The following MASTL variants were observed in gnomAD, a reference collection of about 807,000 sequenced individuals.
MASTL encodes serine/threonine-protein kinase greatwall.
Under a neutral mutation model 82.5 loss-of-function variants are expected in MASTL, and 54 were observed. That is an observed-to-expected ratio of 0.65 (90% CI 0.53 to 0.82). The LOEUF is 0.82. Ranked by LOEUF, MASTL falls within the 40% of genes least tolerant of loss-of-function variation. The pLI is 0.00. For synonymous variants in MASTL, 323 were observed against 368.9 expected (o/e 0.88, Z 1.43); for missense variants, 950 against 1,047.8 (o/e 0.91, Z 1.29).
At position 27,170,378 on chromosome 10, in the gene MASTL, G is replaced by A. The variant is rs2057889679; in HGVS notation, c.1419G>A (p.Met473Ile). The A allele has an allele frequency of 1.2e-6, 2 of 1,613,750 alleles. No individual in the cohort carries two copies. The highest frequency in any genetic ancestry group is 2.7e-5 in the African/African-American group (2 of 74,910). The change falls in exon 8 of 12, where the codon ATG becomes ATA. Residue 473 changes from methionine (M) to isoleucine (I), a missense_variant. Transcript: ENST00000375940. ...GTGTAGAGTATAAGCATAACGAAATGACAAATTGTTATACAAATCAAAATA... is the reference window on the plus strand; with the variant it reads ...GTGTAGAGTATAAGCATAACGAAATAACAAATTGTTATACAAATCAAAATA... The part of the protein sequence containing the change: ...KTCVEYKHNE[M>I]TNCYTNQNTG...
intron 11 of MASTL, among the ~76,000 whole-genome samples, chr10:27,183,529 T>C (rs796698794): frequency 1.3e-5 from 2 of 152,186 alleles, no homozygotes; most frequent in African/African-American, 4.8e-5. Flanking sequence ...GTGATCCTCC[T>C]GCCTCGGCCT....
At chr10:27,174,886 T>C (rs574904976) in intron 9 of MASTL, among the ~76,000 whole-genome samples, 2 of 152,270 alleles carry the variant, frequency 1.3e-5, no homozygotes, top group South Asian at 4.1e-4. Context: ...ATAGCTTTTT[T>C]GGGAGGGACA....
chr10:27,158,882 G>A (rs758843101), intron 2 of MASTL, among the ~76,000 whole-genome samples, 196 bp downstream of exon 2: 4 of 152,178 alleles, frequency 2.6e-5, no homozygotes, highest in East Asian at 1.9e-4. Flanking sequence ...CATACGGTGC[G>A]TGTGTATGTG....
At position 27,173,102 on chromosome 10, in the gene MASTL, AC is replaced by A. The variant is rs2058001992; in HGVS notation, c.2125-13del. 6.2e-7 allele frequency: 1 copy of A among 1,613,828 alleles called. No individual in the cohort carries two copies. The highest frequency in any genetic ancestry group is 8.5e-7 in the Non-Finnish European group (1 of 1,179,880). ...AATTAAGATATTTGTTATCTCTTAAACCCTTTTTGAATTAGCAGACCCCAAA... is the reference window on the plus strand; with the variant it reads ...AATTAAGATATTTGTTATCTCTTAAACCTTTTTGAATTAGCAGACCCCAAA... On this transcript the variant is annotated splice_polypyrimidine_tract_variant and intron_variant, in intron 8 of 11. Transcript: ENST00000375940.
intron 11 of MASTL, among the ~76,000 whole-genome samples, chr10:27,183,618 A>G (rs1451017047): frequency 2.6e-5 from 4 of 152,154 alleles, no homozygotes; most frequent in Non-Finnish European, 5.9e-5. Context: ...CCCAAAATGC[A>G]TTTCTTTATC....
intron 9 of MASTL, among the ~76,000 whole-genome samples, chr10:27,175,568 T>A (rs1179615508): frequency 6.6e-6 from 1 of 152,184 alleles, no homozygotes; most frequent in Non-Finnish European, 1.5e-5. Flanking sequence ...CTGTTGCTGC[T>A]CTTCAGTTCC....
At chr10:27,165,611 G>A (rs2057716257) in intron 6 of MASTL, 72 bp downstream of exon 6, 3 of 1,520,352 alleles carry the variant, frequency 2.0e-6, no homozygotes, top group Non-Finnish European at 2.7e-6. Flanking sequence ...GGGAGGCTGA[G>A]GCAGGATTTC....
chr10:27,183,792 A>T (rs1434097082), intron 11 of MASTL, among the ~76,000 whole-genome samples: 3 of 151,950 alleles, frequency 2.0e-5, no homozygotes, highest in African/African-American at 7.3e-5. Flanking sequence ...ATCTCGGCTC[A>T]CTGCAACTTT....
At position 27,180,633 on chromosome 10, in the gene MASTL, C is replaced by A. The variant is rs979599199; in HGVS notation, c.2267-320C>A. 9.2e-5 allele frequency among the ~76,000 whole-genome samples: 14 copies of A among 152,278 alleles called. No homozygotes were observed. The East Asian group carries it at 2.1e-3, about 23-fold the overall frequency. ...TCTTGAACTCCTGACCTCAGGTAAT[C>A]CACCCTCCCCAGCCACCCAAAGTGC... On this transcript the variant is annotated intron_variant, in intron 9 of 11. Transcript: ENST00000375940.
At chr10:27,158,860 A>G (rs2135964370) in intron 2 of MASTL, among the ~76,000 whole-genome samples, 174 bp downstream of exon 2, 1 of 152,318 alleles carries the variant, frequency 6.6e-6, no homozygotes, top group Non-Finnish European at 1.5e-5. Context: ...AAAAGAACCA[A>G]TAAGATATAT....
At chr10:27,169,113 G>T (rs1236254256) in intron 7 of MASTL, among the ~76,000 whole-genome samples, 2 of 151,974 alleles carry the variant, frequency 1.3e-5, no homozygotes, top group Non-Finnish European at 2.9e-5. Context: ...GCTCTTTGGG[G>T]TTTGTAATTA....
rs147560931 is a variant in MASTL at position 27,170,343 on chromosome 10, A to G, written c.1384A>G (p.Lys462Glu). ...SSPCKKIIQN[K>E]KTCVEYKHNE... ...TCCTTGTAAAAAAATTATACAGAAT[A>G]AAAAAACTTGTGTAGAGTATAAGCA... Residue 462 changes from lysine to glutamate, a missense_variant, in exon 8 of 12, where the codon AAA (lysine) becomes GAA (glutamate). Physicochemically the swap from Lys to Glu is moderately conservative, Grantham distance 56. Transcript: ENST00000375940. 6.2e-7 allele frequency: 1 copy of G among 1,613,352 alleles called. No homozygotes were observed. Among genetic ancestry groups the G allele is most frequent in the African/African-American group, 1.3e-5 (1 of 74,894 alleles).
chr10:27,181,156 G>A (rs938769073), intron 10 of MASTL, 90 bp downstream of exon 10: 24 of 952,114 alleles, frequency 2.5e-5, no homozygotes, highest in East Asian at 5.1e-5. Context: ...AGGCCAAGGC[G>A]GGTGGATCGC....
intron 11 of MASTL, among the ~76,000 whole-genome samples, chr10:27,185,166 C>G (rs2058607857): frequency 6.6e-6 from 1 of 152,134 alleles, no homozygotes; most frequent in South Asian, 2.1e-4. Context: ...GAGCTTCATG[C>G]TAAAGCTGTC....
intron 7 of MASTL, among the ~76,000 whole-genome samples, chr10:27,169,106 C>A (rs932108075): frequency 6.6e-6 from 1 of 152,032 alleles, no homozygotes; most frequent in African/African-American, 2.4e-5. Flanking sequence ...AATTTCTGCT[C>A]TTTGGGGTTT....
Position 27,186,457 on chromosome 10 carries a change from C to G in MASTL, c.2561C>G (p.Pro854Arg). 6.2e-7 allele frequency: 1 copy of G among 1,613,774 alleles called. No homozygotes were observed. Among genetic ancestry groups the G allele is most frequent in the Non-Finnish European group, 8.5e-7 (1 of 1,179,660 alleles). ...QHQTMPFIPQ[P>R]DDETDTSYFE... ...CAGACTATGCCTTTCATCCCCCAGCCAGATGATGAAACAGATACCTCCTAT... is the reference window on the plus strand; with the variant it reads ...CAGACTATGCCTTTCATCCCCCAGCGAGATGATGAAACAGATACCTCCTAT... Residue 854 changes from proline to arginine, a missense_variant, in exon 12 of 12, where the codon CCA becomes CGA. Physicochemically the swap from Pro to Arg is moderately radical, Grantham distance 103. Coordinates refer to ENST00000375940, the MANE Select transcript of MASTL (RefSeq NM_001172303.3).
chr10:27,173,181 G>A lies in MASTL; in HGVS notation c.2188G>A (p.Val730Met). The A allele has an allele frequency of 3.1e-6, 5 of 1,614,162 alleles. No individual in the cohort carries two copies. Among genetic ancestry groups the A allele is most frequent in the Non-Finnish European group, 3.4e-6 (4 of 1,180,028 alleles). ...YRTPKSVRRG[V>M]APVDDGRILG... ...AACTCCGAAGAGTGTGAGAAGAGGG[G>A]TGGCCCCCGTTGATGATGGGCGAAT... Residue 730 changes from valine (V) to methionine (M), a missense_variant, in exon 9 of 12, where the codon GTG (valine) becomes ATG (methionine). Transcript: ENST00000375940.
chr10:27,173,122 C>T lies in MASTL; in HGVS notation c.2129C>T (p.Thr710Ile), dbSNP rs201191592. The T allele has an allele frequency of 2.5e-6, 4 of 1,613,992 alleles. No individual in the cohort carries two copies. The African/African-American group carries it at 4.0e-5, about 16-fold the overall frequency. Residue 710 changes from threonine to isoleucine, a missense_variant, in exon 9 of 12, where the codon ACC (threonine) becomes ATC (isoleucine). Thr to Ile is a moderately conservative substitution (Grantham distance 89, BLOSUM62 -1). Transcript: ENST00000375940. Reference sequence around the variant, plus strand: ...CTTAAACCCTTTTTGAATTAGCAGACCCCAAATCAGATCAAGTCGGGAACT... The same window carrying T: ...CTTAAACCCTTTTTGAATTAGCAGATCCCAAATCAGATCAAGTCGGGAACT... ...KRRSCMPHQQTPNQIKSGTPY... is the reference protein window; with the variant it reads ...KRRSCMPHQQIPNQIKSGTPY...
intron 3 of MASTL, among the ~76,000 whole-genome samples, 177 bp from the exon 4 acceptor site, chr10:27,160,917 G>A (rs952525111): frequency 2.0e-5 from 3 of 152,020 alleles, no homozygotes; most frequent in South Asian, 2.1e-4. Context: ...TAAACAGTAC[G>A]AAAGATGTTT....
Sources: allele counts gnomAD v4.1 joint callset (sites outside exome capture counted in the v4.1 genomes callset), GRCh38; gene constraint gnomAD v4.1.1; transcripts MANE v1.5; gene names NCBI Gene and HGNC (gene_info 2026-07-23, HGNC 2026-07-21).